PHF20L1: variants seen among roughly 807,000 people sequenced by gnomAD.
PHF20L1 encodes PHD finger protein 20 like 1, also known as PHD finger protein 20-like protein 1.
In PHF20L1, 44 loss-of-function variants were observed where a neutral mutation model predicts 125.5. The ratio of observed to expected loss-of-function variants is 0.35; its 90% CI spans 0.28 to 0.45. The LOEUF (loss-of-function observed/expected upper bound fraction) is 0.45. PHF20L1 is among the 20% of genes least tolerant of loss of function. PHF20L1 has a pLI of 1.00. For missense variants in PHF20L1, 1,012 were observed against 1,217.2 expected (o/e 0.83, Z 2.51); for synonymous variants, 380 against 403.1 (o/e 0.94, Z 0.69).
chr8:132,791,744 G>A (rs535189668), intron 2 of PHF20L1, among the ~76,000 whole-genome samples: 1 of 152,172 alleles, frequency 6.6e-6, no homozygotes, highest in East Asian at 1.9e-4. Flanking sequence ...AAGAATCTTG[G>A]GTATCTGTGT....
At chr8:132,804,558 A>G in intron 7 of PHF20L1, 57 bp from the exon 8 acceptor site, 1 of 1,374,098 alleles carries the variant, frequency 7.3e-7, no homozygotes, top group African/African-American at 1.5e-5. Context: ...TTAAAAAATC[A>G]TGTGTTTTAA....
At chr8:132,813,375 A>G (rs1205331629) in intron 9 of PHF20L1, among the ~76,000 whole-genome samples, 2 of 152,016 alleles carry the variant, frequency 1.3e-5, no homozygotes, top group African/African-American at 2.4e-5. Context: ...TTTATGTGGT[A>G]TGTCCAACAT....
chr8:132,782,243 T>G (rs1563776759), intron 2 of PHF20L1, among the ~76,000 whole-genome samples: 1 of 151,966 alleles, frequency 6.6e-6, no homozygotes, highest in Non-Finnish European at 1.5e-5. Context: ...AGCGGGTGGG[T>G]TTAAATTCAG....
chr8:132,834,245 G>A (rs1837100706), intron 15 of PHF20L1, among the ~76,000 whole-genome samples: 1 of 152,088 alleles, frequency 6.6e-6, no homozygotes, highest in Non-Finnish European at 1.5e-5. Context: ...TGATAAATTT[G>A]CTTGCTAACA....
rs1310206359 is a variant in PHF20L1 at position 132,837,791 on chromosome 8, A to G, written c.2171A>G (p.Tyr724Cys). 1 of 1,611,866 alleles carries G rather than the reference A, an allele frequency of 6.2e-7. No individual in the cohort carries two copies. The highest frequency in any genetic ancestry group is 8.5e-7 in the Non-Finnish European group (1 of 1,178,400). ...AGCATTCCAGAGCAGTACATCTGCT[A>G]TATCTGCCGGGACCCACCAGGTAAG... ...EESIPEQYIC[Y>C]ICRDPPGQRW... The change falls in exon 17 of 21, where the codon TAT becomes TGT. Residue 724 changes from tyrosine to cysteine, a missense_variant. Physicochemically the swap from Tyr to Cys is radical, Grantham distance 194. This residue lies in a region of PHF20L1 where 55 missense variants were observed against 114.8 expected (regional missense o/e 0.48). Coordinates refer to ENST00000395386, the MANE Select transcript of PHF20L1 (RefSeq NM_016018.5).
intron 11 of PHF20L1, 57 bp downstream of exon 11, chr8:132,817,133 A>G (rs767971864): frequency 6.9e-4 from 750 of 1,082,170 alleles, no homozygotes; most frequent in Non-Finnish European, 9.0e-4. Context: ...AGAAAAAACT[A>G]AGAGATAAAG....
intron 5 of PHF20L1, 21 bp from the exon 6 acceptor site, chr8:132,799,074 G>A (rs1832738010): frequency 6.3e-7 from 1 of 1,597,926 alleles, no homozygotes; most frequent in South Asian, 1.1e-5. Context: ...TAAAGTTATA[G>A]GTCACTAGTT....
intron 14 of PHF20L1, among the ~76,000 whole-genome samples, chr8:132,831,815 G>T (rs984540881): frequency 9.2e-5 from 14 of 152,034 alleles, no homozygotes; most frequent in African/African-American, 3.4e-4. Flanking sequence ...AGCCCAGCAC[G>T]CATTAGCTGT....
intron 4 of PHF20L1, 86 bp downstream of exon 4, chr8:132,794,903 G>A: frequency 1.2e-6 from 1 of 802,430 alleles, no homozygotes; most frequent in Admixed American, 2.3e-5. Flanking sequence ...TGTGTGTTAT[G>A]TAATCATTAC....
Position 132,803,950 on chromosome 8 carries a change from AAAG to A in PHF20L1, c.643_645del (p.Lys215del), listed in dbSNP as rs1420521204. The A allele has an allele frequency of 1.9e-6, 3 of 1,611,970 alleles. No homozygotes were observed. Among genetic ancestry groups the A allele is most frequent in the Non-Finnish European group, 2.5e-6 (3 of 1,178,526 alleles). Reference sequence around the variant, plus strand: ...AGAGAAAGTGGTTTAAAGTACCTTCAAAGAAGGAGGAAACTTCAACTTGTATAG... The same window carrying A: ...AGAGAAAGTGGTTTAAAGTACCTTCAAAGGAGGAAACTTCAACTTGTATAG... On this transcript the variant is annotated inframe_deletion, in exon 7 of 21. Transcript: ENST00000395386.
At chr8:132,845,737 T>G (rs746382944) in intron 20 of PHF20L1, 44 bp from the exon 21 acceptor site, 1 of 1,384,506 alleles carries the variant, frequency 7.2e-7, no homozygotes. Context: ...CTGACTGTTC[T>G]TCCAGTTGCA....
intron 10 of PHF20L1, chr8:132,815,859 G>A (rs1403823575): frequency 1.3e-5 from 2 of 151,642 alleles, no homozygotes; most frequent in Non-Finnish European, 2.9e-5. Context: ...TTTCATTATG[G>A]CATTTATCAT....
chr8:132,783,380 G>A (rs1326266583), intron 2 of PHF20L1, among the ~76,000 whole-genome samples: 4 of 152,230 alleles, frequency 2.6e-5, no homozygotes, highest in Non-Finnish European at 2.9e-5. Context: ...TAAGATGTTC[G>A]TGCAGAATTT....
Position 132,842,722 on chromosome 8 carries a change from G to GCC in PHF20L1, c.2596_2597dup (p.Gln867HisfsTer33), listed in dbSNP as rs1320141444. ...TAACAAGTGAGCATAGCTATCAAAA[G>GCC]CCACAAAGTTTTGGTCAGGACTGTA... On this transcript the variant is annotated frameshift_variant, in exon 19 of 21. Coordinates refer to ENST00000395386, the MANE Select transcript of PHF20L1 (RefSeq NM_016018.5). LOFTEE classifies it high-confidence loss of function. The GCC allele has an allele frequency of 6.2e-7, 1 of 1,613,356 alleles. No homozygotes were observed. Among genetic ancestry groups the GCC allele is most frequent in the Non-Finnish European group, 8.5e-7 (1 of 1,179,616 alleles).
In PHF20L1 at chr8:132,811,541, CTA is replaced by C. The variant is rs113981996; in HGVS notation, c.930+415_930+416del. On this transcript the variant is annotated intron_variant, in intron 9 of 20. Transcript: ENST00000395386. Reference sequence around the variant, plus strand: ...GTAACAATTGGTGTTGTTAGACTGACTATGTGTTTTATGAATTGATCAATGAG... The same window carrying C: ...GTAACAATTGGTGTTGTTAGACTGACTGTGTTTTATGAATTGATCAATGAG... The C allele has an allele frequency of 4.8e-4, 471 of 984,160 alleles. 1 individual carries two copies. The highest frequency in any genetic ancestry group is 4.7e-3 in the African/African-American group (268 of 57,282). The allele number at this position is 984,160 out of a possible 1,614,324, so 61.0% of individuals were successfully genotyped here.
chr8:132,795,136 A>C (rs1586893129), intron 4 of PHF20L1, among the ~76,000 whole-genome samples: 1 of 152,138 alleles, frequency 6.6e-6, no homozygotes, highest in Admixed American at 6.6e-5. Context: ...TATATTTATG[A>C]ACATCTACCC....
rs78307133 is a variant in PHF20L1, at chr8:132,825,397, C to T, written c.1744+26C>T. On this transcript the variant is annotated intron_variant, in intron 14 of 20. Coordinates refer to ENST00000395386, the MANE Select transcript of PHF20L1 (RefSeq NM_016018.5). ...GTAAGTACACTGAGATGATTATTCC[C>T]TCTTTTTTTAAAATTTGAAGTTTCC... 3.5e-3 allele frequency: 5,120 copies of T among 1,452,452 alleles called. 143 individuals carry two copies. In the African/African-American group the frequency reaches 0.063, roughly 18 times the overall value. 90.0% of individuals were successfully genotyped at this position (1,452,452 alleles called of 1,614,324 possible).
intron 8 of PHF20L1, chr8:132,807,849 G>C (rs1386145597): frequency 2.3e-6 from 1 of 438,404 alleles, no homozygotes; most frequent in East Asian, 7.1e-5. Flanking sequence ...TCTTGAAGCA[G>C]TGTAATGCAT....
intron 14 of PHF20L1, chr8:132,827,044 T>C (rs896806799): frequency 4.0e-5 from 6 of 151,856 alleles, no homozygotes; most frequent in African/African-American, 1.5e-4. Context: ...CAGAGTAAAT[T>C]TGAAGATACA....
Sources: allele counts gnomAD v4.1 joint callset (sites outside exome capture counted in the v4.1 genomes callset), GRCh38; gene constraint gnomAD v4.1.1; regional missense constraint gnomAD v4.1.1; transcripts MANE v1.5; gene names NCBI Gene and HGNC (gene_info 2026-07-23, HGNC 2026-07-21).